Variants in CDH4 observed in about 807,000 individuals in gnomAD.
CDH4 encodes cadherin 4, also known as cadherin-4.
CDH4 carries 33 observed loss-of-function variants against 86.0 expected under a neutral mutation model. The ratio of observed to expected loss-of-function variants is 0.38; its 90% CI spans 0.29 to 0.51. The LOEUF is 0.51. Ranked by LOEUF, CDH4 falls within the 20% of genes least tolerant of loss-of-function variation. CDH4 has a pLI of 0.86. For synonymous variants in CDH4, 555 were observed against 549.4 expected (o/e 1.01, Z -0.14); for missense variants, 1,114 against 1,307.4 (o/e 0.85, Z 2.28).
chr20:61,270,156 G>C (rs2084176414), intron 2 of CDH4, among the ~76,000 whole-genome samples: 2 of 152,340 alleles, frequency 1.3e-5, no homozygotes, highest in Non-Finnish European at 1.5e-5. Context: ...GCTCTGTTAG[G>C]CTGATGGGGG....
chr20:61,253,087 G>T (rs1267290936), intron 1 of CDH4, among the ~76,000 whole-genome samples: 1 of 151,604 alleles, frequency 6.6e-6, no homozygotes, highest in Non-Finnish European at 1.5e-5. Context: ...TCCGTCTAGC[G>T]GCGCCGCTCA....
At chr20:61,690,358 C>A (rs889298580) in intron 2 of CDH4, among the ~76,000 whole-genome samples, 2 of 152,138 alleles carry the variant, frequency 1.3e-5, no homozygotes, top group Non-Finnish European at 2.9e-5. Flanking sequence ...TGTGTGTGAT[C>A]AGCATGTGTT....
At position 61,929,869 on chromosome 20, in the gene CDH4, G is replaced by C; in HGVS notation, c.2239+27G>C. 4 of 1,590,112 alleles carry C rather than the reference G, an allele frequency of 2.5e-6. No homozygotes were observed. In the Admixed American group the frequency reaches 6.7e-5, roughly 27 times the overall value. On this transcript the variant is annotated intron_variant, in intron 13 of 15. Transcript: ENST00000614565. ...TGAGTGTGGCTGAGCACCAGGGTGG[G>C]CAGGGGCATTGTGGGTATGAGTGCC...
At chr20:61,786,015 G>A (rs905570535) in intron 4 of CDH4, among the ~76,000 whole-genome samples, 1 of 152,176 alleles carries the variant, frequency 6.6e-6, no homozygotes, top group Non-Finnish European at 1.5e-5. Context: ...TAAGTGGACT[G>A]TGGAAATCTC....
intron 15 of CDH4, 90 bp downstream of exon 15, chr20:61,934,310 T>G: frequency 7.4e-7 from 1 of 1,356,644 alleles, no homozygotes; most frequent in Non-Finnish European, 9.8e-7. Flanking sequence ...ATCTCCACAG[T>G]GCCGGCGGCT....
chr20:61,314,832 T>C (rs528506702), intron 2 of CDH4, among the ~76,000 whole-genome samples: 30 of 152,346 alleles, frequency 2.0e-4, no homozygotes, highest in Admixed American at 1.2e-3. Context: ...CTAACAAGTG[T>C]GCGATGACAG....
intron 2 of CDH4, among the ~76,000 whole-genome samples, chr20:61,493,464 A>G: frequency 6.6e-6 from 1 of 152,250 alleles, no homozygotes; most frequent in East Asian, 1.9e-4. Flanking sequence ...TTAGGAAACA[A>G]GCTGGAAAGT....
rs192056048 is a variant in CDH4, at chr20:61,706,214, C to A, written c.170-37349C>A. On this transcript the variant is annotated intron_variant, in intron 2 of 15. Transcript: ENST00000614565. Reference sequence around the variant, plus strand: ...GTTGCTCCCAGCTTTCCCGTGAGGCCCAGGACCCTGTCTCAGAGGGTCTGG... The same window carrying A: ...GTTGCTCCCAGCTTTCCCGTGAGGCACAGGACCCTGTCTCAGAGGGTCTGG... Among the ~76,000 whole-genome samples the A allele has an allele frequency of 7.9e-5, 12 of 152,282 alleles. No individual in the cohort carries two copies. The East Asian group carries it at 2.3e-3, about 29-fold the overall frequency.
intron 2 of CDH4, among the ~76,000 whole-genome samples, chr20:61,506,609 A>G (rs1053629304): frequency 7.9e-5 from 12 of 152,244 alleles, no homozygotes; most frequent in African/African-American, 2.9e-4. Context: ...GGATATTTAC[A>G]TGGTACCTAC....
intron 2 of CDH4, among the ~76,000 whole-genome samples, chr20:61,725,166 G>T (rs563772795): frequency 1.3e-5 from 2 of 152,300 alleles, no homozygotes; most frequent in East Asian, 3.9e-4. Flanking sequence ...AGCCTCTGTG[G>T]AGTCAGTGTG....
chr20:61,915,701 TGGGGA>T (rs2054897300), intron 9 of CDH4, among the ~76,000 whole-genome samples: 1 of 152,030 alleles, frequency 6.6e-6, no homozygotes, highest in Non-Finnish European at 1.5e-5. Flanking sequence ...GACAAAACTG[TGGGGA>T]CAGAAAACCC....
At chr20:61,872,900 G>C (rs1983868777) in intron 6 of CDH4, among the ~76,000 whole-genome samples, 1 of 152,244 alleles carries the variant, frequency 6.6e-6, no homozygotes, top group Non-Finnish European at 1.5e-5. Flanking sequence ...GCTCCCAGCA[G>C]AGCTTGGTCC....
intron 2 of CDH4, among the ~76,000 whole-genome samples, chr20:61,662,999 C>G (rs2087277949): frequency 1.3e-5 from 2 of 152,184 alleles, no homozygotes. Context: ...CCCCTCCCCA[C>G]AGGCACTGGC....
At chr20:61,387,047 T>G (rs2084955384) in intron 2 of CDH4, among the ~76,000 whole-genome samples, 1 of 152,260 alleles carries the variant, frequency 6.6e-6, no homozygotes, top group Admixed American at 6.5e-5. Context: ...TCTTTTTATA[T>G]TTTGCAATTT....
intron 2 of CDH4, among the ~76,000 whole-genome samples, chr20:61,333,735 A>C (rs565975267): frequency 6.6e-6 from 1 of 152,248 alleles, no homozygotes; most frequent in Non-Finnish European, 1.5e-5. Flanking sequence ...GGCGAAGAGC[A>C]TCGTGATGTG....
intron 2 of CDH4, among the ~76,000 whole-genome samples, chr20:61,394,135 G>A (rs962668781): frequency 3.9e-5 from 6 of 152,292 alleles, no homozygotes; most frequent in South Asian, 4.1e-4. Flanking sequence ...ATGTTGGTTC[G>A]TGTCTCAGGT....
chr20:61,707,763 A>G (rs2087847590), intron 2 of CDH4, among the ~76,000 whole-genome samples: 1 of 152,140 alleles, frequency 6.6e-6, no homozygotes, highest in Non-Finnish European at 1.5e-5. Flanking sequence ...TCTCATGAGG[A>G]ACGCGCAGCC....
At chr20:61,668,794 T>G (rs2087354887) in intron 2 of CDH4, among the ~76,000 whole-genome samples, 2 of 152,232 alleles carry the variant, frequency 1.3e-5, no homozygotes, top group Non-Finnish European at 2.9e-5. Context: ...TACCGCTTCT[T>G]GCTTCCCACT....
chr20:61,885,419 CT>C (rs1402796023), intron 7 of CDH4, among the ~76,000 whole-genome samples: 5 of 152,216 alleles, frequency 3.3e-5, no homozygotes, highest in Non-Finnish European at 7.3e-5. Flanking sequence ...CGTTTCGTGT[CT>C]GGTGTCTCTC....
Sources: allele counts gnomAD v4.1 joint callset (sites outside exome capture counted in the v4.1 genomes callset), GRCh38; gene constraint gnomAD v4.1.1; transcripts MANE v1.5; gene names NCBI Gene and HGNC (gene_info 2026-07-23, HGNC 2026-07-21).